Variants in NIBAN3 observed in about 807,000 individuals in gnomAD.
NIBAN3 encodes protein Niban 3.
In NIBAN3, 66 loss-of-function variants were observed where a neutral mutation model predicts 76.4. The ratio of observed to expected loss-of-function variants is 0.86; its 90% CI spans 0.71 to 1.06. The LOEUF is 1.06. NIBAN3 is among the 50% of genes least tolerant of loss of function. The pLI is 0.00. For missense variants in NIBAN3, 808 were observed against 810.7 expected (o/e 1.00, Z 0.04); for synonymous variants, 360 against 355.2 (o/e 1.01, Z -0.15).
In NIBAN3 at chr19:17,551,809, G is replaced by A. The variant is rs1262402506; in HGVS notation, c.1774G>A (p.Glu592Lys). ...AGATGAGGAAACTGAGGCTGAGCGG[G>A]AAGGAGGGGCTTGTCCCAGGCAGCC... ...GADEETEAEREGGACPRQPDS... is the reference protein window; with the variant it reads ...GADEETEAERKGGACPRQPDS... Residue 592 changes from glutamate (E) to lysine (K), a missense_variant, in exon 15 of 15, where the codon GAA (glutamate) becomes AAA (lysine). Transcript: ENST00000599164. 1.3e-6 allele frequency: 1 copy of A among 779,870 alleles called. No individual in the cohort carries two copies. The highest frequency in any genetic ancestry group is 2.4e-6 in the Non-Finnish European group (1 of 417,310). 48.3% of individuals were successfully genotyped at this position (779,870 alleles called of 1,614,324 possible).
chr19:17,550,904 A>G (rs1396628373), intron 14 of NIBAN3, among the ~76,000 whole-genome samples: 1 of 132,718 alleles, frequency 7.5e-6, no homozygotes, highest in African/African-American at 2.8e-5. Context: ...CGCAATGGGA[A>G]CCCTCAGAAT....
chr19:17,530,528 T>G, intron 1 of NIBAN3, among the ~76,000 whole-genome samples: 1 of 80,284 alleles, frequency 1.2e-5, no homozygotes, highest in African/African-American at 6.3e-5. Flanking sequence ...CAAGACTCCA[T>G]CTCAAAAAAA....
At chr19:17,524,986 G>A (rs995879520), upstream of NIBAN3, among the ~76,000 whole-genome samples, 2 of 152,234 alleles carry the variant, frequency 1.3e-5, no homozygotes, top group Admixed American at 6.5e-5. Flanking sequence ...CATGGGCTCC[G>A]TTATGATCAG....
downstream of NIBAN3, chr19:17,553,810 T>C (rs1036801102): frequency 1.5e-5 from 6 of 408,736 alleles, no homozygotes; most frequent in Admixed American, 3.9e-5. Flanking sequence ...ACCTCCTTTT[T>C]CTTACTTAAT....
At chr19:17,528,753 T>A (rs1411953841) in intron 1 of NIBAN3, among the ~76,000 whole-genome samples, 1 of 152,136 alleles carries the variant, frequency 6.6e-6, no homozygotes, top group Admixed American at 6.6e-5. Flanking sequence ...ATGTGGGGCT[T>A]CTGTGCCCAA....
chr19:17,524,916 G>A (rs1159825345), upstream of NIBAN3, among the ~76,000 whole-genome samples: 1 of 152,202 alleles, frequency 6.6e-6, no homozygotes, highest in African/African-American at 2.4e-5. Context: ...TGGCCAGCCT[G>A]GGTTGCACAG....
intron 5 of NIBAN3, among the ~76,000 whole-genome samples, chr19:17,538,385 C>T (rs1017507340): frequency 6.7e-6 from 1 of 149,226 alleles, no homozygotes; most frequent in Admixed American, 6.7e-5. Flanking sequence ...CACTGCACTC[C>T]AGCCTGGGCA....
In NIBAN3 at chr19:17,546,321, C is replaced by T. The variant is rs146682645; in HGVS notation, c.1555-365C>T. On this transcript the variant is annotated intron_variant, in intron 12 of 14. Transcript: ENST00000599164. ...GTTATACTGGAACAGCTCATGTCCT[C>T]GGTCTCTTGCCTCAGCACCTGGGTG... 8.4e-3 allele frequency: 1,328 copies of T among 159,038 alleles called. 12 individuals carry two copies. The highest frequency in any genetic ancestry group is 0.012 in the Non-Finnish European group (856 of 71,958). 9.9% of individuals were successfully genotyped at this position (159,038 alleles called of 1,614,324 possible).
intron 2 of NIBAN3, among the ~76,000 whole-genome samples, chr19:17,531,384 G>A (rs1464554162): frequency 6.7e-6 from 1 of 150,296 alleles, no homozygotes; most frequent in Admixed American, 6.6e-5. Context: ...ACCATTCACT[G>A]AGCATGTAAT....
intron 4 of NIBAN3, among the ~76,000 whole-genome samples, chr19:17,534,331 G>A (rs867753661): frequency 1.3e-5 from 2 of 152,110 alleles, no homozygotes; most frequent in East Asian, 1.9e-4. Flanking sequence ...CCTGGCCAAC[G>A]TGGTGAAACC....
intron 8 of NIBAN3, chr19:17,540,185 G>A (rs1599737040): frequency 2.3e-6 from 1 of 431,742 alleles, no homozygotes; most frequent in South Asian, 6.2e-5. Context: ...TACATGGGCA[G>A]CGGTGGGCCA....
chr19:17,542,353 C>A lies in NIBAN3; in HGVS notation c.1329+59C>A. The A allele has an allele frequency of 3.9e-6, 6 of 1,519,584 alleles. No homozygotes were observed. The South Asian group carries it at 7.7e-5, about 19-fold the overall frequency. 94.1% of individuals were successfully genotyped at this position (1,519,584 alleles called of 1,614,324 possible). On this transcript the variant is annotated intron_variant, in intron 10 of 14. Transcript: ENST00000599164. This position sits in a 1 kb window ranked among gnomAD's most constrained non-coding sequence, Gnocchi z 4.8. ...CTGTGAAGACAGCCTCCACTGACCT[C>A]CTGCTAAGTGTGCCCTGGAGAGACC...
chr19:17,554,797 A>AAATAATAATAATAATAAT (rs71162154), downstream of NIBAN3, among the ~76,000 whole-genome samples: 1 of 138,136 alleles, frequency 7.2e-6, no homozygotes, highest in African/African-American at 2.7e-5. Context: ...AAAAAAAAGA[A>AAATAATAATAATAATAAT]AATAATAATA....
In NIBAN3 at chr19:17,552,232, C is replaced by A; in HGVS notation, c.*334C>A. 6.0e-6 allele frequency: 1 copy of A among 166,186 alleles called. No homozygotes were observed. Among genetic ancestry groups the A allele is most frequent in the South Asian group, 1.6e-4 (1 of 6,178 alleles). The allele number at this position is 166,186 out of a possible 1,614,324, so 10.3% of individuals were successfully genotyped here. On this transcript the variant is annotated 3_prime_UTR_variant, in exon 15 of 15. Transcript: ENST00000599164. ...TAGCTGAGATTTCAGGCACCCGCCA[C>A]CATGCCTGGTTAATTTTTGTGTTTT...
downstream of NIBAN3, chr19:17,553,798 T>C: frequency 2.3e-6 from 1 of 443,606 alleles, no homozygotes; most frequent in Non-Finnish European, 4.0e-6. Flanking sequence ...ATGTATCTTG[T>C]CACCTCCTTT....
chr19:17,543,725 G>A, intron 12 of NIBAN3, 94 bp downstream of exon 12: 2 of 1,071,992 alleles, frequency 1.9e-6, no homozygotes. Flanking sequence ...GGGCGCAGTG[G>A]CTCATGCCTG....
In NIBAN3 at chr19:17,533,678, A is replaced by G. The variant is rs147499098; in HGVS notation, c.404A>G (p.Asp135Gly). The G allele has an allele frequency of 5.6e-6, 9 of 1,613,644 alleles. No individual in the cohort carries two copies. In the African/African-American group the frequency reaches 1.2e-4, roughly 22 times the overall value. ...CAGCGAGAATATCTCCGCCTTTTGGATGCTCTCTGCCCTGAATCCTTGGGT... is the reference window on the plus strand; with the variant it reads ...CAGCGAGAATATCTCCGCCTTTTGGGTGCTCTCTGCCCTGAATCCTTGGGT... The part of the protein sequence containing the change: ...TSQREYLRLL[D>G]ALCPESLGDH... Residue 135 changes from aspartate to glycine, a missense_variant, in exon 4 of 15, where the codon GAT (aspartate) becomes GGT (glycine). By Grantham distance (94) the Asp-to-Gly change is moderately conservative. Transcript: ENST00000599164.
Position 17,533,580 on chromosome 19 carries a change from T to G in NIBAN3, c.313-7T>G, listed in dbSNP as rs575644922. On this transcript the variant is annotated splice_polypyrimidine_tract_variant and splice_region_variant and intron_variant, in intron 3 of 14. Transcript: ENST00000599164. Reference sequence around the variant, plus strand: ...TCCCAGGTTGGTTCTCTGGGTACCTTTTGTAGGAATATGAAAACGGGGGCC... The same window carrying G: ...TCCCAGGTTGGTTCTCTGGGTACCTGTTGTAGGAATATGAAAACGGGGGCC... 6.2e-7 allele frequency: 1 copy of G among 1,609,316 alleles called. No homozygotes were observed. Among genetic ancestry groups the G allele is most frequent in the South Asian group, 1.1e-5 (1 of 90,998 alleles).
In NIBAN3 at chr19:17,542,257, A is replaced by C; in HGVS notation, c.1292A>C (p.Gln431Pro). The C allele has an allele frequency of 6.2e-7, 1 of 1,613,436 alleles. No individual in the cohort carries two copies. Among genetic ancestry groups the C allele is most frequent in the Non-Finnish European group, 8.5e-7 (1 of 1,179,716 alleles). The stretch of plus-strand genomic sequence containing the variant: ...GCACCGTTTGGCTTTCTGGGGATGC[A>C]GAGCCTCGTGTTTGGGGCCCAAGAT... ...LAAPFGFLGM[Q>P]SLVFGAQDLA... The change falls in exon 10 of 15, where the codon CAG becomes CCG. Residue 431 changes from glutamine to proline, a missense_variant. Gln to Pro is a moderately conservative substitution (Grantham distance 76). Coordinates refer to ENST00000599164, the MANE Select transcript of NIBAN3 (RefSeq NM_001321827.2). The surrounding 1 kb of genome is among the most constrained non-coding windows in gnomAD (Gnocchi z 4.8).
Sources: allele counts gnomAD v4.1 joint callset (sites outside exome capture counted in the v4.1 genomes callset), GRCh38; gene constraint gnomAD v4.1.1; non-coding constraint Gnocchi (gnomAD v3.1); transcripts MANE v1.5; gene names NCBI Gene and HGNC (gene_info 2026-07-23, HGNC 2026-07-21).